B3GALT1: variants seen among roughly 807,000 people sequenced by gnomAD.
The protein encoded by B3GALT1 is UDP-Gal:betaGlcNAc beta 1,3-galactosyltransferase, polypeptide 1.
Under a neutral mutation model 23.2 loss-of-function variants are expected in B3GALT1, and 10 were observed. The observed-to-expected ratio is 0.43, with a 90% confidence interval of 0.27 to 0.73. B3GALT1 has a LOEUF of 0.73. Ranked by LOEUF, B3GALT1 falls within the 30% of genes least tolerant of loss-of-function variation. The pLI is 0.21. For synonymous variants in B3GALT1, 156 were observed against 141.5 expected, an observed-to-expected ratio of 1.10 and a Z score of -0.73; for missense variants, 299 against 405.4, an observed-to-expected ratio of 0.74 and a Z score of 2.25.
chr2:167,551,846 C>T (rs763479295), intron 2 of B3GALT1, among the ~76,000 whole-genome samples: 1 of 152,140 alleles, frequency 6.6e-6, no homozygotes, highest in Non-Finnish European at 1.5e-5. Context: ...TATGTCTCCC[C>T]TGTTGGAGGT....
chr2:167,772,253 T>G (rs1574254747), intron 3 of B3GALT1, among the ~76,000 whole-genome samples: 1 of 152,292 alleles, frequency 6.6e-6, no homozygotes, highest in East Asian at 1.9e-4. Flanking sequence ...AAAAATAACC[T>G]GAAAGGAAAG....
chr2:167,454,114 TATATTTGTATATTTGA>T (rs1338648904), intron 1 of B3GALT1, among the ~76,000 whole-genome samples: 5 of 152,252 alleles, frequency 3.3e-5, no homozygotes, highest in East Asian at 1.9e-4. Context: ...TTGTAAATTG[TATATTTGTATATTTGA>T]ATATTTGTAT....
chr2:167,625,942 CATATATATATATATATATAT>C (rs10522850), intron 2 of B3GALT1, among the ~76,000 whole-genome samples: 16,513 of 118,396 alleles, frequency 0.14, 1,492 homozygotes, highest in Middle Eastern at 0.25. Context: ...ATGACTAGGC[CATATATATATATATATATAT>C]ATATATATAT....
intron 1 of B3GALT1, among the ~76,000 whole-genome samples, chr2:167,373,493 G>A (rs1472614552): frequency 1.3e-5 from 2 of 151,870 alleles, no homozygotes; most frequent in East Asian, 1.9e-4. Flanking sequence ...TCAAACAAAC[G>A]ACTGGTATTC....
chr2:167,629,236 AT>A (rs1458498734), intron 2 of B3GALT1, among the ~76,000 whole-genome samples: 1 of 151,774 alleles, frequency 6.6e-6, no homozygotes, highest in African/African-American at 2.4e-5. Flanking sequence ...AGATAGGTAC[AT>A]TTTAAGAGAG....
intron 3 of B3GALT1, among the ~76,000 whole-genome samples, chr2:167,680,751 A>G (rs1453152258): frequency 6.6e-6 from 1 of 151,974 alleles, no homozygotes; most frequent in Non-Finnish European, 1.5e-5. Context: ...CATTCCTCAT[A>G]TTCTCTCCGA....
chr2:167,726,031 C>T (rs922440758), intron 3 of B3GALT1, among the ~76,000 whole-genome samples: 4 of 152,086 alleles, frequency 2.6e-5, no homozygotes, highest in African/African-American at 9.7e-5. Context: ...AGATCTTGGG[C>T]CTTTAAGACA....
chr2:167,329,083 G>T (rs766033854), intron 1 of B3GALT1, among the ~76,000 whole-genome samples: 16 of 152,194 alleles, frequency 1.1e-4, no homozygotes, highest in Admixed American at 8.5e-4. Context: ...AAAGTGCTGG[G>T]ATTACACGAG....
rs542394311 is a variant in B3GALT1, at chr2:167,384,223, A to G, written c.-511+90889A>G. ...ATTTAAATACCACACAGTGTTAGCT[A>G]TTGGTAAAATGGTGCTGTCTAATTA... On this transcript the variant is annotated intron_variant, in intron 1 of 4. Transcript: ENST00000392690. Among the ~76,000 whole-genome samples the G allele has an allele frequency of 9.2e-5, 14 of 152,306 alleles. No homozygotes were observed. The South Asian group carries it at 1.7e-3, about 18-fold the overall frequency.
At chr2:167,588,865 C>T (rs1684623532) in intron 2 of B3GALT1, among the ~76,000 whole-genome samples, 1 of 140,556 alleles carries the variant, frequency 7.1e-6, no homozygotes, top group South Asian at 2.3e-4. Flanking sequence ...TTCCTTCCTT[C>T]TTTCCTTCCT....
intron 1 of B3GALT1, among the ~76,000 whole-genome samples, chr2:167,485,412 C>T (rs368761764): frequency 3.9e-5 from 6 of 152,118 alleles, no homozygotes; most frequent in East Asian, 3.9e-4. Context: ...TTAGATGGAA[C>T]AACTGGTTTG....
intron 2 of B3GALT1, among the ~76,000 whole-genome samples, chr2:167,618,297 A>G (rs1421523280): frequency 6.6e-6 from 1 of 152,050 alleles, no homozygotes; most frequent in East Asian, 1.9e-4. Context: ...TTAAATTCAG[A>G]TTTATGGAAA....
chr2:167,612,367 T>TTTATTATTATTATTATTATTA lies in B3GALT1; in HGVS notation c.-409-34533_-409-34513dup, dbSNP rs3062675. ...TGGTTTTAGCAGATATTATTAGGCC[T>TTTATTATTATTATTATTATTA]TTATTATTATTATTATTATTATTAT... On this transcript the variant is annotated intron_variant, in intron 2 of 4. Transcript: ENST00000392690. Among the ~76,000 whole-genome samples the TTTATTATTATTATTATTATTA allele has an allele frequency of 5.4e-4, 78 of 145,132 alleles. 1 individual carries two copies. The highest frequency in any genetic ancestry group is 2.2e-3 in the South Asian group (10 of 4,574).
chr2:167,448,359 T>A (rs1699035628), intron 1 of B3GALT1, among the ~76,000 whole-genome samples: 1 of 152,168 alleles, frequency 6.6e-6, no homozygotes. Context: ...TGATTTGAAT[T>A]TCCCTGTTCC....
chr2:167,569,803 T>C (rs187337758), intron 2 of B3GALT1, among the ~76,000 whole-genome samples: 45 of 152,048 alleles, frequency 3.0e-4, no homozygotes, highest in Middle Eastern at 3.4e-3. Context: ...AAGGTTTATG[T>C]AGATATTCTT....
chr2:167,566,579 A>G (rs775206472), intron 2 of B3GALT1, among the ~76,000 whole-genome samples: 137 of 152,118 alleles, frequency 9.0e-4, no homozygotes, highest in Admixed American at 1.6e-3. Flanking sequence ...AAAAAAGAAT[A>G]ACGTAGTCCA....
At chr2:167,376,152 CTTGCA>C (rs1263105790) in intron 1 of B3GALT1, among the ~76,000 whole-genome samples, 1 of 152,142 alleles carries the variant, frequency 6.6e-6, no homozygotes, top group African/African-American at 2.4e-5. Context: ...TCGAACCATT[CTTGCA>C]TTGCAGGAAT....
At chr2:167,623,335 C>T (rs978815587) in intron 2 of B3GALT1, among the ~76,000 whole-genome samples, 3 of 151,790 alleles carry the variant, frequency 2.0e-5, no homozygotes, top group Non-Finnish European at 2.9e-5. Flanking sequence ...TTATTTGAGG[C>T]AATGACTTAG....
At chr2:167,721,542 G>A (rs1687235682) in intron 3 of B3GALT1, among the ~76,000 whole-genome samples, 1 of 152,114 alleles carries the variant, frequency 6.6e-6, no homozygotes, top group South Asian at 2.1e-4. Flanking sequence ...CACTGCCTAT[G>A]GGAACAAGAA....
Sources: gnomAD v4.1 joint callset for allele counts (sites outside exome capture counted in the v4.1 genomes callset) on GRCh38, gnomAD v4.1.1 for gene constraint, MANE v1.5 for transcripts, NCBI Gene and HGNC (gene_info 2026-07-23, HGNC 2026-07-21) for gene names.